The following OSBPL6 variants were observed in gnomAD, a reference collection of about 807,000 sequenced individuals.
OSBPL6 encodes the protein oxysterol binding protein like 6.
Under a neutral mutation model 125.8 loss-of-function variants are expected in OSBPL6, and 49 were observed. The ratio of observed to expected loss-of-function variants is 0.39; its 90% confidence interval spans 0.31 to 0.49. The LOEUF (loss-of-function observed/expected upper bound fraction) is 0.49, where lower values mean the gene tolerates loss of function less well. OSBPL6 is among the 20% of genes least tolerant of loss of function. OSBPL6 has a pLI of 0.88. For synonymous variants in OSBPL6, 394 were observed against 391.8 expected (o/e 1.01, Z -0.07); for missense variants, 986 against 1,135.4 (o/e 0.87, Z 1.89).
At chr2:178,333,540 T>A (rs1249061005) in intron 8 of OSBPL6, among the ~76,000 whole-genome samples, 1 of 152,220 alleles carries the variant, frequency 6.6e-6, no homozygotes, top group Admixed American at 6.5e-5. Context: ...AAGTATAAAT[T>A]AGGCAGAAAT....
chr2:178,262,610 C>A (rs1003109160), intron 1 of OSBPL6, among the ~76,000 whole-genome samples: 2 of 152,100 alleles, frequency 1.3e-5, no homozygotes, highest in Non-Finnish European at 2.9e-5. Flanking sequence ...CACTGAAATG[C>A]AGTGTGACAA....
At chr2:178,297,777 C>T (rs191512842) in intron 2 of OSBPL6, among the ~76,000 whole-genome samples, 2 of 152,252 alleles carry the variant, frequency 1.3e-5, no homozygotes, top group Admixed American at 1.3e-4. Flanking sequence ...GAAACTTGAC[C>T]ACAAAATAGT....
chr2:178,194,207 C>T (rs1431094389), upstream of OSBPL6, among the ~76,000 whole-genome samples: 1 of 152,172 alleles, frequency 6.6e-6, no homozygotes, highest in African/African-American at 2.4e-5. Flanking sequence ...TGCGGGTGAT[C>T]TCGGGACACC....
At chr2:178,369,893 C>T (rs1693219340) in intron 13 of OSBPL6, among the ~76,000 whole-genome samples, 1 of 152,138 alleles carries the variant, frequency 6.6e-6, no homozygotes, top group Admixed American at 6.6e-5. Flanking sequence ...TTTGTTAACA[C>T]TCTCACAGTG....
intron 1 of OSBPL6, among the ~76,000 whole-genome samples, chr2:178,220,777 A>T (rs2090304718): frequency 6.6e-6 from 1 of 152,352 alleles, no homozygotes; most frequent in South Asian, 2.1e-4. Flanking sequence ...TTGTCTATGC[A>T]GCCATACTCT....
chr2:178,330,379 G>A (rs907274125), intron 5 of OSBPL6, among the ~76,000 whole-genome samples: 4 of 152,196 alleles, frequency 2.6e-5, no homozygotes. Context: ...AGGAGGGCCT[G>A]CTTTGCATTG....
At chr2:178,226,261 C>A (rs966235785) in intron 1 of OSBPL6, among the ~76,000 whole-genome samples, 5 of 152,172 alleles carry the variant, frequency 3.3e-5, no homozygotes, top group Admixed American at 6.5e-5. Context: ...TGGAAGCCAG[C>A]GAGCAAGGGA....
chr2:178,224,244 GGTAGACACTAAATA>G (rs1183292857), intron 1 of OSBPL6, among the ~76,000 whole-genome samples: 2 of 152,144 alleles, frequency 1.3e-5, no homozygotes, highest in Non-Finnish European at 2.9e-5. Flanking sequence ...TGAAGCAAAT[GGTAGACACTAAATA>G]GTGAATAAGA....
intron 1 of OSBPL6, among the ~76,000 whole-genome samples, chr2:178,251,341 A>C (rs569798315): frequency 1.3e-5 from 2 of 151,784 alleles, no homozygotes; most frequent in Non-Finnish European, 2.9e-5. Flanking sequence ...AGTCAGACTT[A>C]GCAACGGTTA....
chr2:178,216,611 A>G (rs376093525), intron 1 of OSBPL6, among the ~76,000 whole-genome samples: 1 of 152,252 alleles, frequency 6.6e-6, no homozygotes, highest in Non-Finnish European at 1.5e-5. Context: ...TGGTTGATTA[A>G]GGCAGGAATT....
Position 178,306,249 on chromosome 2 carries a change from C to A in OSBPL6, c.65C>A (p.Ala22Asp), listed in dbSNP as rs760962929. 6 of 1,613,596 alleles carry A rather than the reference C, an allele frequency of 3.7e-6. No homozygotes were observed. The highest frequency in any genetic ancestry group is 5.1e-6 in the Non-Finnish European group (6 of 1,179,632). ...ACATCCACTCCAACCCATAGAAGTG[C>A]CTCCTCTTCAACATCCTCCCAAAGG... ...HKTSTPTHRS[A>D]SSSTSSQRDS... The change falls in exon 3 of 25, where the codon GCC becomes GAC. Residue 22 changes from alanine to aspartate, a missense_variant. By Grantham distance (126) the Ala-to-Asp change is moderately radical. Around this residue, in one of 3 missense-constraint regions of OSBPL6, gnomAD observed 130 missense variants for 106.4 expected, o/e 1.22. Coordinates refer to ENST00000190611, the MANE Select transcript of OSBPL6 (RefSeq NM_032523.4).
At chr2:178,345,451 A>G (rs149121171) in intron 11 of OSBPL6, among the ~76,000 whole-genome samples, 25 of 152,344 alleles carry the variant, frequency 1.6e-4, no homozygotes, top group African/African-American at 6.0e-4. Context: ...TGATTATGAA[A>G]TGAACCAGTG....
chr2:178,249,549 G>A (rs1389858127), intron 1 of OSBPL6, among the ~76,000 whole-genome samples: 1 of 152,034 alleles, frequency 6.6e-6, no homozygotes, highest in East Asian at 1.9e-4. Flanking sequence ...ATTTTTTTCT[G>A]TTTAGAGGGA....
intron 13 of OSBPL6, among the ~76,000 whole-genome samples, chr2:178,369,423 A>G (rs1290607266): frequency 2.6e-5 from 4 of 152,142 alleles, no homozygotes; most frequent in Admixed American, 6.5e-5. Flanking sequence ...ACACTAGTTG[A>G]TCTTCATCAT....
intron 1 of OSBPL6, among the ~76,000 whole-genome samples, chr2:178,229,380 C>A (rs755929247): frequency 1.3e-5 from 2 of 152,152 alleles, no homozygotes; most frequent in Non-Finnish European, 2.9e-5. Flanking sequence ...TCCCTAGTCT[C>A]CCTACCCGCC....
intron 3 of OSBPL6, among the ~76,000 whole-genome samples, chr2:178,309,820 A>AG (rs1260654324): frequency 1.3e-5 from 2 of 152,214 alleles, no homozygotes; most frequent in Non-Finnish European, 2.9e-5. Context: ...GAGGGAGCAT[A>AG]AGGGTTGTTG....
intron 1 of OSBPL6, among the ~76,000 whole-genome samples, chr2:178,221,140 T>G (rs2153969462): frequency 6.6e-6 from 1 of 152,350 alleles, no homozygotes; most frequent in African/African-American, 2.4e-5. Flanking sequence ...ACTAGACTAT[T>G]CATATCAAAT....
At chr2:178,335,205 A>G (rs1454997337) in intron 8 of OSBPL6, among the ~76,000 whole-genome samples, 1 of 151,932 alleles carries the variant, frequency 6.6e-6, no homozygotes, top group African/African-American at 2.4e-5. Context: ...TTATTAAAAT[A>G]TTTATTAAAT....
intron 16 of OSBPL6, 156 bp downstream of exon 16, chr2:178,382,663 T>G (rs1319183205): frequency 6.7e-7 from 1 of 1,494,642 alleles, no homozygotes; most frequent in Non-Finnish European, 8.9e-7. Flanking sequence ...TTGTATGATC[T>G]CTTGAGGTAA....
Sources: allele counts gnomAD v4.1 joint callset (sites outside exome capture counted in the v4.1 genomes callset), GRCh38; gene constraint gnomAD v4.1.1; regional missense constraint gnomAD v4.1.1; transcripts MANE v1.5; gene names NCBI Gene and HGNC (gene_info 2026-07-23, HGNC 2026-07-21).